Variants in RAPH1 observed in about 807,000 individuals in gnomAD.
The protein encoded by RAPH1 is Ras association (RalGDS/AF-6) and pleckstrin homology domains 1.
A neutral mutation model predicts 88.1 loss-of-function variants in RAPH1; 18 were observed. The observed-to-expected ratio is 0.20, with a 90% confidence interval of 0.14 to 0.30. The LOEUF (loss-of-function observed/expected upper bound fraction) is 0.30, where lower values mean the gene tolerates loss of function less well. Ranked by LOEUF, RAPH1 falls within the 10% of genes least tolerant of loss-of-function variation. The pLI, the probability that RAPH1 is intolerant of heterozygous loss-of-function variation, is 1.00. For synonymous variants in RAPH1, 587 were observed against 559.0 expected, an observed-to-expected ratio of 1.05 and a Z score of -0.71; for missense variants, 1,448 against 1,543.2, an observed-to-expected ratio of 0.94 and a Z score of 1.03.
rs71408946 is a variant in RAPH1, at chr2:203,528,979, CTATATA to C, written c.-1+6126_-1+6131del. ...TCAAGTCATATTACTGGTTGTTTTG[CTATATA>C]TATATATATATATATATATATTTTT... On this transcript the variant is annotated intron_variant, in intron 1 of 13. Transcript: ENST00000319170. Among the ~76,000 whole-genome samples, 394 of 61,220 alleles carry C rather than the reference CTATATA, an allele frequency of 6.4e-3. 2 individuals carry two copies. The highest frequency in any genetic ancestry group is 0.048 in the Middle Eastern group (3 of 62). The allele number at this position is 61,220 out of a possible 152,430, so 40.2% of individuals were successfully genotyped here.
At chr2:203,488,185 C>T (rs990143355) in intron 4 of RAPH1, among the ~76,000 whole-genome samples, 4 of 152,034 alleles carry the variant, frequency 2.6e-5, no homozygotes, top group South Asian at 2.1e-4. Flanking sequence ...AACTTGTTAC[C>T]GCAAATCTAT....
chr2:203,464,851 T>C (rs2098527202), intron 4 of RAPH1, among the ~76,000 whole-genome samples: 1 of 152,084 alleles, frequency 6.6e-6, no homozygotes, highest in African/African-American at 2.4e-5. Context: ...CCTGAAAAGA[T>C]ACCTCACTAA....
In RAPH1 at chr2:203,506,898, ATTT is replaced by A. The variant is rs1243668890; in HGVS notation, c.1-11548_1-11546del. ...TATATATAGATATATATATATATAT[ATTT>A]TTTTTTTTTTTGAGATGAACTTTCA... On this transcript the variant is annotated intron_variant, in intron 1 of 13. Coordinates refer to ENST00000319170, the MANE Select transcript of RAPH1 (RefSeq NM_213589.3). Among the ~76,000 whole-genome samples, 10 of 87,866 alleles carry A rather than the reference ATTT, an allele frequency of 1.1e-4. 1 individual carries two copies. The highest frequency in any genetic ancestry group is 4.8e-4 in the Admixed American group (4 of 8,340). The allele number at this position is 87,866 out of a possible 152,430, so 57.6% of individuals were successfully genotyped here.
At chr2:203,509,011 A>C (rs1689213045) in intron 1 of RAPH1, among the ~76,000 whole-genome samples, 1 of 151,730 alleles carries the variant, frequency 6.6e-6, no homozygotes, top group Non-Finnish European at 1.5e-5. Flanking sequence ...TCTTAGAAAG[A>C]TATTTATTCA....
intron 1 of RAPH1, among the ~76,000 whole-genome samples, chr2:203,505,770 T>C (rs1400140097): frequency 6.6e-6 from 1 of 152,232 alleles, no homozygotes; most frequent in African/African-American, 2.4e-5. Flanking sequence ...TTTCTGTTGC[T>C]TTAAGCCACT....
At chr2:203,453,381 C>CA (rs892270996) in intron 10 of RAPH1, among the ~76,000 whole-genome samples, 3 of 151,110 alleles carry the variant, frequency 2.0e-5, no homozygotes, top group Admixed American at 2.0e-4. Flanking sequence ...CCTGTCTCTA[C>CA]AAAAAAACAC....
intron 4 of RAPH1, among the ~76,000 whole-genome samples, chr2:203,468,509 G>A (rs2098530446): frequency 6.6e-6 from 1 of 152,102 alleles, no homozygotes; most frequent in Non-Finnish European, 1.5e-5. Flanking sequence ...TAAATAAAAT[G>A]TACCCCAATC....
chr2:203,440,555 C>A lies in RAPH1; in HGVS notation c.2635G>T (p.Glu879Ter). 1 of 1,545,220 alleles carries A rather than the reference C, an allele frequency of 6.5e-7. No individual in the cohort carries two copies. ...GGGACAGGCTTTAAGGGCTGAGATT[C>A]CATGGCAGGGGGAGTTGGAGGGGGT... ...FPPPPTPPAM[E>*]SQPLKPVPAN... Residue 879 changes from glutamate to a stop codon, truncating the protein, a stop_gained, in exon 14 of 14, where the codon GAA becomes TAA. Coordinates refer to ENST00000319170, the MANE Select transcript of RAPH1 (RefSeq NM_213589.3). LOFTEE classifies it high-confidence loss of function.
intron 1 of RAPH1, among the ~76,000 whole-genome samples, chr2:203,514,948 T>C (rs1234822695): frequency 1.3e-5 from 2 of 152,172 alleles, no homozygotes; most frequent in African/African-American, 4.8e-5. Flanking sequence ...TGTTTAAAAC[T>C]AAGTAAAACT....
chr2:203,447,614 C>T (rs192279016), intron 12 of RAPH1: 2 of 160,574 alleles, frequency 1.2e-5, no homozygotes, highest in African/African-American at 4.8e-5. Flanking sequence ...GCAGCTTCTT[C>T]ATGGTTTCTG....
chr2:203,477,086 TCAG>T, intron 4 of RAPH1: 1 of 1,612,882 alleles, frequency 6.2e-7, no homozygotes, highest in Non-Finnish European at 8.5e-7. Context: ...AGGTGTCAGC[TCAG>T]CCTGTTCTTC....
chr2:203,442,113 A>G, intron 13 of RAPH1: 1 of 1,574,322 alleles, frequency 6.4e-7, no homozygotes, highest in East Asian at 2.3e-5. Flanking sequence ...CTTTGTAAAC[A>G]TTATAGCAAA....
chr2:203,476,985 T>C, intron 4 of RAPH1: 1 of 900,224 alleles, frequency 1.1e-6, no homozygotes. Flanking sequence ...TTTGAAAAAC[T>C]GAAGTTATAT....
At chr2:203,494,431 A>C (rs1688419830) in intron 2 of RAPH1, among the ~76,000 whole-genome samples, 1 of 152,182 alleles carries the variant, frequency 6.6e-6, no homozygotes, top group South Asian at 2.1e-4. Flanking sequence ...GATCGAATAA[A>C]GCAAAATGAA....
Position 203,508,168 on chromosome 2 carries a change from G to A in RAPH1, c.1-12815C>T, listed in dbSNP as rs186935007. 7.6e-4 allele frequency among the ~76,000 whole-genome samples: 113 copies of A among 148,076 alleles called. 1 individual carries two copies. Among genetic ancestry groups the A allele is most frequent in the Middle Eastern group, 3.5e-3 (1 of 284 alleles). ...CCGGGAGGCAGAGCTTGTATAGTGA[G>A]CTGAGATAGCGCCACTGCACTCCAG... On this transcript the variant is annotated intron_variant, in intron 1 of 13. Transcript: ENST00000319170.
intron 4 of RAPH1, chr2:203,470,331 AAAAC>A: frequency 4.5e-6 from 7 of 1,566,944 alleles, no homozygotes; most frequent in Non-Finnish European, 6.1e-6. Flanking sequence ...AGAAAAGAGA[AAAAC>A]AAACAAAAAA....
intron 1 of RAPH1, among the ~76,000 whole-genome samples, chr2:203,522,030 T>C (rs942420608): frequency 2.6e-5 from 4 of 152,214 alleles, no homozygotes; most frequent in Non-Finnish European, 5.9e-5. Flanking sequence ...CCAACTCACC[T>C]GACAAGATTC....
chr2:203,493,971 C>CAAAAAAAAAAAAAAAAAA (rs397937732), intron 2 of RAPH1, among the ~76,000 whole-genome samples: 7 of 18,960 alleles, frequency 3.7e-4, no homozygotes, highest in Non-Finnish European at 8.3e-4. Context: ...GACTCTATCT[C>CAAAAAAAAAAAAAAAAAA]AAAAAAAAAA....
At chr2:203,472,286 CCA>C (rs1176437427) in intron 4 of RAPH1, among the ~76,000 whole-genome samples, 1 of 152,130 alleles carries the variant, frequency 6.6e-6, no homozygotes, top group Non-Finnish European at 1.5e-5. Context: ...GCATGGGCCA[CCA>C]CACTCGGCTA....
Sources: allele counts gnomAD v4.1 joint callset (sites outside exome capture counted in the v4.1 genomes callset), GRCh38; gene constraint gnomAD v4.1.1; transcripts MANE v1.5; gene names NCBI Gene and HGNC (gene_info 2026-07-23, HGNC 2026-07-21).